NCEH1: variants seen among roughly 807,000 people sequenced by gnomAD.
The protein encoded by NCEH1 is 2-acetyl MAGE hydrolase.
A neutral mutation model predicts 25.4 loss-of-function variants in NCEH1; 9 were observed. That is an observed-to-expected ratio of 0.35 (90% CI 0.21 to 0.62). NCEH1 has a LOEUF of 0.62. NCEH1 is among the 20% of genes least tolerant of loss of function. NCEH1 has a pLI of 0.72. For missense variants in NCEH1, 412 were observed against 501.1 expected, an observed-to-expected ratio of 0.82 and a Z score of 1.70; for synonymous variants, 200 against 199.8, an observed-to-expected ratio of 1.00 and a Z score of -0.01.
chr3:172,683,209 C>CTGGG (rs1243660632), intron 1 of NCEH1, among the ~76,000 whole-genome samples: 29 of 68,670 alleles, frequency 4.2e-4, no homozygotes, highest in Middle Eastern at 5.8e-3. Flanking sequence ...CGAGACCATC[C>CTGGG]CAGCTAAAAC....
rs767365469 is a variant in NCEH1 at position 172,710,813 on chromosome 3, A to G, written c.138+34T>C. 5 of 1,610,918 alleles carry G rather than the reference A, an allele frequency of 3.1e-6. No individual in the cohort carries two copies. The South Asian group carries it at 4.4e-5, about 14-fold the overall frequency. On this transcript the variant is annotated intron_variant, in intron 1 of 4. Transcript: ENST00000475381. ...TCCCCTTCAAATATTGCGTAAGAGG[A>G]GGAAGAGAGAAGCAGCGCTGGGCTG... is the stretch of plus-strand genomic sequence containing the variant.
chr3:172,648,260 A>T, intron 1 of NCEH1, 146 bp from the exon 2 acceptor site: 1 of 891,362 alleles, frequency 1.1e-6, no homozygotes, highest in Admixed American at 2.8e-5. Context: ...TACAAAAACC[A>T]ATTGTATTTA....
intron 1 of NCEH1, among the ~76,000 whole-genome samples, chr3:172,663,701 T>C (rs1718072576): frequency 6.6e-6 from 1 of 152,208 alleles, no homozygotes; most frequent in South Asian, 2.1e-4. Context: ...AATTGATCCC[T>C]TTACCATTAT....
chr3:172,695,970 GAA>G (rs933473739), intron 1 of NCEH1, among the ~76,000 whole-genome samples: 1 of 151,498 alleles, frequency 6.6e-6, no homozygotes, highest in Non-Finnish European at 1.5e-5. Context: ...AAATAAAAAA[GAA>G]AAAGAAAAAG....
At chr3:172,661,652 C>T in intron 1 of NCEH1, among the ~76,000 whole-genome samples, 1 of 152,114 alleles carries the variant, frequency 6.6e-6, no homozygotes, top group South Asian at 2.1e-4. Context: ...TTTCATTGAG[C>T]AGTGGTTTGT....
At chr3:172,694,741 C>T (rs1576777459) in intron 1 of NCEH1, among the ~76,000 whole-genome samples, 1 of 152,166 alleles carries the variant, frequency 6.6e-6, no homozygotes, top group East Asian at 1.9e-4. Flanking sequence ...GGCAGTACTC[C>T]GTCTGGGCTT....
intron 1 of NCEH1, among the ~76,000 whole-genome samples, chr3:172,675,750 A>G (rs1298454401): frequency 6.6e-6 from 1 of 152,184 alleles, no homozygotes; most frequent in Non-Finnish European, 1.5e-5. Flanking sequence ...TGTTACTTTT[A>G]TGTTAACGTT....
chr3:172,666,600 C>A (rs1418632125), intron 1 of NCEH1, among the ~76,000 whole-genome samples: 1 of 152,124 alleles, frequency 6.6e-6, no homozygotes, highest in Non-Finnish European at 1.5e-5. Context: ...TAAACTGGTG[C>A]GAGACCAAGG....
intron 1 of NCEH1, among the ~76,000 whole-genome samples, chr3:172,667,942 C>G (rs1488186473): frequency 6.6e-6 from 1 of 152,214 alleles, no homozygotes; most frequent in Non-Finnish European, 1.5e-5. Flanking sequence ...GAAGCAACTT[C>G]CAGGGAACCA....
chr3:172,648,500 C>T (rs1024257127), intron 1 of NCEH1, among the ~76,000 whole-genome samples: 2 of 151,794 alleles, frequency 1.3e-5, no homozygotes, highest in African/African-American at 4.8e-5. Context: ...AGAAATAATA[C>T]TTTATTTCAA....
At chr3:172,675,872 T>C (rs1577076633) in intron 1 of NCEH1, among the ~76,000 whole-genome samples, 1 of 152,220 alleles carries the variant, frequency 6.6e-6, no homozygotes, top group Non-Finnish European at 1.5e-5. Flanking sequence ...CCCCCACTGA[T>C]GGTGGTAATC....
chr3:172,697,983 T>A (rs940476323), intron 1 of NCEH1, among the ~76,000 whole-genome samples: 5 of 147,410 alleles, frequency 3.4e-5, no homozygotes, highest in African/African-American at 1.3e-4. Flanking sequence ...TTTTTTTTTT[T>A]TTTTTTTTTT....
In NCEH1 at chr3:172,633,369, G is replaced by T; in HGVS notation, c.*106C>A. 9.4e-7 allele frequency: 1 copy of T among 1,066,118 alleles called. No homozygotes were observed. The highest frequency in any genetic ancestry group is 1.6e-5 in the African/African-American group (1 of 63,048). 66.0% of individuals were successfully genotyped at this position (1,066,118 alleles called of 1,614,324 possible). A position where few individuals can be genotyped will look rare whatever the true frequency, so the allele number is the denominator to read the frequency against. ...GGAATAGAAATTCCATAACTCGCAAGTAGAGGGGAATGGGAGGAAGAATTA... is the reference window on the plus strand; with the variant it reads ...GGAATAGAAATTCCATAACTCGCAATTAGAGGGGAATGGGAGGAAGAATTA... On this transcript the variant is annotated 3_prime_UTR_variant, in exon 5 of 5. Coordinates refer to ENST00000475381, the MANE Select transcript of NCEH1 (RefSeq NM_020792.6).
At chr3:172,683,390 G>A (rs1242626303) in intron 1 of NCEH1, among the ~76,000 whole-genome samples, 1 of 45,402 alleles carries the variant, frequency 2.2e-5, no homozygotes, top group African/African-American at 1.1e-4. Context: ...GCGACAGAGC[G>A]AGACTCCGTC....
intron 1 of NCEH1, among the ~76,000 whole-genome samples, chr3:172,694,303 C>T (rs754452393): frequency 6.6e-6 from 1 of 152,022 alleles, no homozygotes; most frequent in Admixed American, 6.6e-5. Flanking sequence ...GTGAAGAGTC[C>T]AGACTGTAAA....
In NCEH1 at chr3:172,711,049, C is replaced by A. The variant is rs1285650087; in HGVS notation, c.-65G>T. 6.2e-7 allele frequency: 1 copy of A among 1,610,206 alleles called. No homozygotes were observed. Among genetic ancestry groups the A allele is most frequent in the Non-Finnish European group, 8.5e-7 (1 of 1,177,152 alleles). ...AAAGGGCGATACCACCCGGAGACCT[C>A]CGGCAACTTTCTGCCCGCGGCAGCT... On this transcript the variant is annotated 5_prime_UTR_variant, in exon 1 of 5. Coordinates refer to ENST00000475381, the MANE Select transcript of NCEH1 (RefSeq NM_020792.6).
intron 1 of NCEH1, among the ~76,000 whole-genome samples, chr3:172,665,581 C>T (rs1481178356): frequency 6.6e-6 from 1 of 152,228 alleles, no homozygotes; most frequent in East Asian, 1.9e-4. Flanking sequence ...TATGCCCTGC[C>T]CCCAGAGGTG....
rs567766783 is a variant in NCEH1, at chr3:172,659,971, C to A, written c.139-11857G>T. Among the ~76,000 whole-genome samples the A allele has an allele frequency of 1.5e-4, 23 of 151,792 alleles. 1 individual carries two copies. Among genetic ancestry groups the A allele is most frequent in the Admixed American group, 1.2e-3 (18 of 15,254 alleles). ...AGGCTTTTTCTTTTAATAAAAGCAA[C>A]CCCTGAAGCATTTCTTTTTTTTTTT... On this transcript the variant is annotated intron_variant, in intron 1 of 4. Transcript: ENST00000475381.
chr3:172,687,095 A>C (rs1712741759), intron 1 of NCEH1, among the ~76,000 whole-genome samples: 2 of 152,204 alleles, frequency 1.3e-5, no homozygotes, highest in African/African-American at 4.8e-5. Flanking sequence ...TTCACTGATG[A>C]GAGATAGCCT....
Sources: allele counts gnomAD v4.1 joint callset (sites outside exome capture counted in the v4.1 genomes callset), GRCh38; gene constraint gnomAD v4.1.1; transcripts MANE v1.5; gene names NCBI Gene and HGNC (gene_info 2026-07-23, HGNC 2026-07-21).